SMG6: variants seen among roughly 807,000 people sequenced by gnomAD.
The protein encoded by SMG6 is telomerase-binding protein EST1A.
In SMG6, 66 loss-of-function variants were observed where a neutral mutation model predicts 142.2. That is an observed-to-expected ratio of 0.46 (90% CI 0.38 to 0.57). SMG6 has a LOEUF of 0.57. Ranked by LOEUF, SMG6 falls within the 20% of genes least tolerant of loss-of-function variation. SMG6 has a pLI of 0.00. For missense variants in SMG6, 1,793 were observed against 1,832.0 expected, an observed-to-expected ratio of 0.98 and a Z score of 0.39; for synonymous variants, 779 against 702.4, an observed-to-expected ratio of 1.11 and a Z score of -1.72.
chr17:2,236,371 G>T, intron 10 of SMG6, 121 bp downstream of exon 10: 4 of 869,868 alleles, frequency 4.6e-6, no homozygotes, highest in Non-Finnish European at 7.1e-6. Context: ...GTAGGGTAGG[G>T]TGTGTGTGTT....
intron 13 of SMG6, among the ~76,000 whole-genome samples, chr17:2,130,985 A>G (rs1030489399): frequency 2.0e-5 from 3 of 152,160 alleles, no homozygotes; most frequent in Admixed American, 6.5e-5. Flanking sequence ...CCTGGACGAC[A>G]AGAGCAAGAC....
rs1161192215 is a variant in SMG6, at chr17:2,068,687, C to T, written c.3835+91G>A. On this transcript the variant is annotated intron_variant, in intron 16 of 18. Coordinates refer to ENST00000263073, the MANE Select transcript of SMG6 (RefSeq NM_017575.5). The surrounding 1 kb of genome is among the most constrained non-coding windows in gnomAD (Gnocchi z 6.7). ...CCCATCTTACACACGCACAGCAGGG[C>T]TCTGCCTGCCTGGCCCCCAGGCCGT... is the stretch of plus-strand genomic sequence containing the variant. 1 of 1,374,458 alleles carries T rather than the reference C, an allele frequency of 7.3e-7. No individual in the cohort carries two copies. Among genetic ancestry groups the T allele is most frequent in the East Asian group, 2.4e-5 (1 of 42,344 alleles). The allele number at this position is 1,374,458 out of a possible 1,614,324, so 85.1% of individuals were successfully genotyped here. A position where few individuals can be genotyped will look rare whatever the true frequency, so the allele number is the denominator to read the frequency against.
At chr17:2,298,332 G>A (rs2075189353) in intron 2 of SMG6, among the ~76,000 whole-genome samples, 1 of 152,066 alleles carries the variant, frequency 6.6e-6, no homozygotes, top group Non-Finnish European at 1.5e-5. Context: ...TCATTTCTTG[G>A]CATTCTAGAA....
chr17:2,077,402 G>T (rs1289444353), intron 15 of SMG6, among the ~76,000 whole-genome samples: 1 of 152,206 alleles, frequency 6.6e-6, no homozygotes, highest in East Asian at 1.9e-4. Context: ...CTTCACTGGG[G>T]AAGTGGAGTT....
At position 2,061,218 on chromosome 17, in the gene SMG6, A is replaced by G. The variant is rs2067765030; in HGVS notation, c.*274T>C. ...GAAAGGCTGAGAGCATGGGCGGCCT[A>G]TCTGGCTTGCCCAGCTGCTGTTGCT... On this transcript the variant is annotated 3_prime_UTR_variant, in exon 19 of 19. Transcript: ENST00000263073. 1 of 384,208 alleles carries G rather than the reference A, an allele frequency of 2.6e-6. No homozygotes were observed. Among genetic ancestry groups the G allele is most frequent in the Non-Finnish European group, 4.9e-6 (1 of 204,144 alleles). The allele number at this position is 384,208 out of a possible 1,614,324, so 23.8% of individuals were successfully genotyped here. A position where few individuals can be genotyped will look rare whatever the true frequency, so the allele number is the denominator to read the frequency against.
chr17:2,211,855 C>G (rs1597612085), intron 10 of SMG6, among the ~76,000 whole-genome samples: 1 of 152,032 alleles, frequency 6.6e-6, no homozygotes. Flanking sequence ...GCTGGGGATC[C>G]CCACATCCAC....
chr17:2,281,289 C>A (rs752307117), intron 8 of SMG6, among the ~76,000 whole-genome samples: 3 of 152,092 alleles, frequency 2.0e-5, no homozygotes, highest in Non-Finnish European at 4.4e-5. Flanking sequence ...CCATGCCCAG[C>A]CAATTTTGAA....
At position 2,299,559 on chromosome 17, in the gene SMG6, T is replaced by C. The variant is rs141835959; in HGVS notation, c.1194A>G (p.Lys398=). The change falls in exon 2 of 19, where the codon AAA becomes AAG. Residue 398 remains lysine (K), a synonymous_variant. Transcript: ENST00000263073. The surrounding 1 kb of genome is among the most constrained non-coding windows in gnomAD (Gnocchi z 4.3). ...GSEKQESKNP[K]QELRGRGRGI... is the part of the protein sequence containing the mutation. ...CACGACCACGACCCCGAAGTTCTTG[T>C]TTCGGGTTTTTGGACTCCTGCTTCT... 3.1e-4 allele frequency: 508 copies of C among 1,614,110 alleles called. 5 individuals are homozygous for C. In the South Asian group the frequency reaches 5.3e-3, roughly 17 times the overall value.
At position 2,071,217 on chromosome 17, in the gene SMG6, A is replaced by T. The variant is rs76195598; in HGVS notation, c.3682-2286T>A. Among the ~76,000 whole-genome samples the T allele has an allele frequency of 0.021, 3,184 of 151,920 alleles. 60 individuals are homozygous for T. Among genetic ancestry groups the T allele is most frequent in the South Asian group, 0.067 (322 of 4,800 alleles). The stretch of plus-strand genomic sequence containing the variant: ...CCATCTCAGTTCTCCTGCCTTGAGA[A>T]ACAACCGTCCAGCCTGGTCTGACTC... On this transcript the variant is annotated intron_variant, in intron 15 of 18. Transcript: ENST00000263073. This position sits in a 1 kb window ranked among gnomAD's most constrained non-coding sequence, Gnocchi z 5.6.
chr17:2,134,509 C>A (rs188349643), intron 13 of SMG6, among the ~76,000 whole-genome samples: 1 of 146,108 alleles, frequency 6.8e-6, no homozygotes, highest in African/African-American at 2.5e-5. Context: ...GATAGCACTA[C>A]GGAAAATGCT....
At chr17:2,205,688 T>A (rs1275008124) in intron 10 of SMG6, among the ~76,000 whole-genome samples, 2 of 152,164 alleles carry the variant, frequency 1.3e-5, no homozygotes, top group African/African-American at 4.8e-5. Flanking sequence ...GAAAAACAAC[T>A]CCTTTTTCTC....
intron 13 of SMG6, among the ~76,000 whole-genome samples, chr17:2,139,787 G>A (rs978355746): frequency 6.6e-6 from 1 of 151,934 alleles, no homozygotes. Flanking sequence ...GTGCAGTGGT[G>A]TGATCTTGGC....
chr17:2,095,562 C>T (rs868753580), intron 13 of SMG6, among the ~76,000 whole-genome samples: 1 of 152,146 alleles, frequency 6.6e-6, no homozygotes, highest in Non-Finnish European at 1.5e-5. Context: ...CCCTGTTTCA[C>T]TTGGGGGGTT....
chr17:2,286,587 T>A (rs2074910127), intron 6 of SMG6, among the ~76,000 whole-genome samples: 1 of 152,154 alleles, frequency 6.6e-6, no homozygotes, highest in African/African-American at 2.4e-5. Context: ...CCTCATACTA[T>A]ATATAAAAAT....
Position 2,296,878 on chromosome 17 carries a change from C to T in SMG6, c.2151+365G>A, listed in dbSNP as rs2075153091. Among the ~76,000 whole-genome samples, 3 of 151,944 alleles carry T rather than the reference C, an allele frequency of 2.0e-5. No individual in the cohort carries two copies. In the South Asian group the frequency reaches 6.3e-4, roughly 32 times the overall value. On this transcript the variant is annotated intron_variant, in intron 4 of 18. Coordinates refer to ENST00000263073, the MANE Select transcript of SMG6 (RefSeq NM_017575.5). ...GGCTTGGTGGTGGGCACCTGTAACG[C>T]CAGCTACTCGGGAGACTGACAGAGG... is the stretch of plus-strand genomic sequence containing the variant.
chr17:2,111,419 G>A (rs1163932928), intron 13 of SMG6, among the ~76,000 whole-genome samples: 1 of 152,166 alleles, frequency 6.6e-6, no homozygotes, highest in Non-Finnish European at 1.5e-5. Flanking sequence ...CTCGCTCAAA[G>A]AGGTCCTCTG....
chr17:2,104,247 G>A (rs1316453203), intron 13 of SMG6, among the ~76,000 whole-genome samples: 1 of 151,926 alleles, frequency 6.6e-6, no homozygotes, highest in African/African-American at 2.4e-5. Flanking sequence ...CACCGCGCCC[G>A]GCCACACCTG....
chr17:2,278,289 G>A (rs1016943197), intron 8 of SMG6, among the ~76,000 whole-genome samples: 16 of 150,088 alleles, frequency 1.1e-4, no homozygotes, highest in South Asian at 4.2e-4. Flanking sequence ...TGCAACCTCC[G>A]CCTCCCGGGT....
At chr17:2,127,948 G>T in intron 13 of SMG6, 1 of 557,750 alleles carries the variant, frequency 1.8e-6, no homozygotes, top group Non-Finnish European at 3.5e-6. Context: ...AATGATTTCT[G>T]CTTGCTGAGT....
Sources: gnomAD v4.1 joint callset for allele counts (sites outside exome capture counted in the v4.1 genomes callset) on GRCh38, gnomAD v4.1.1 for gene constraint, Gnocchi (gnomAD v3.1) non-coding constraint, MANE v1.5 for transcripts, NCBI Gene and HGNC (gene_info 2026-07-23, HGNC 2026-07-21) for gene names.